The following IQGAP2 variants were observed in gnomAD, a reference collection of about 807,000 sequenced individuals.
IQGAP2 encodes ras GTPase-activating-like protein IQGAP2.
Under a neutral mutation model 201.3 loss-of-function variants are expected in IQGAP2, and 173 were observed. The observed-to-expected ratio is 0.86, with a 90% CI of 0.76 to 0.98. IQGAP2 has a LOEUF of 0.98. Ranked by LOEUF, IQGAP2 falls within the 50% of genes least tolerant of loss-of-function variation. The probability of loss-of-function intolerance (pLI) is 0.00; values close to 1 mark genes in which losing one functional copy is unlikely to be tolerated. For missense variants in IQGAP2, 1,687 were observed against 1,864.8 expected (o/e 0.90, Z 1.76); for synonymous variants, 675 against 673.9 (o/e 1.00, Z -0.03).
At chr5:76,696,150 G>C (rs997819504) in intron 32 of IQGAP2, among the ~76,000 whole-genome samples, 1 of 152,182 alleles carries the variant, frequency 6.6e-6, no homozygotes, top group Non-Finnish European at 1.5e-5. Flanking sequence ...GTCATTAGGA[G>C]AGTTGAAACA....
chr5:76,486,025 C>T (rs1433666282), intron 2 of IQGAP2, among the ~76,000 whole-genome samples: 1 of 151,844 alleles, frequency 6.6e-6, no homozygotes, highest in Non-Finnish European at 1.5e-5. Flanking sequence ...CCTTTTTCTC[C>T]CCTTAAAAAT....
intron 2 of IQGAP2, among the ~76,000 whole-genome samples, chr5:76,550,991 C>T (rs1269129909): frequency 6.6e-6 from 1 of 150,886 alleles, no homozygotes; most frequent in Non-Finnish European, 1.5e-5. Context: ...GGGCTGCCCC[C>T]CACCTCCCTC....
At chr5:76,673,755 A>G in intron 25 of IQGAP2, 166 bp downstream of exon 25, 1 of 759,720 alleles carries the variant, frequency 1.3e-6, no homozygotes, top group Non-Finnish European at 2.2e-6. Context: ...TTCTCTAAAG[A>G]AGGGGCAATA....
At chr5:76,512,385 A>G (rs1030546862) in intron 2 of IQGAP2, among the ~76,000 whole-genome samples, 4 of 152,200 alleles carry the variant, frequency 2.6e-5, no homozygotes, top group Non-Finnish European at 5.9e-5. Flanking sequence ...CGAGTTCATG[A>G]TCCTTCTCTG....
intron 1 of IQGAP2, among the ~76,000 whole-genome samples, chr5:76,449,909 A>G (rs1753626343): frequency 6.6e-6 from 1 of 152,246 alleles, no homozygotes; most frequent in African/African-American, 2.4e-5. Context: ...CTGAAGCAGT[A>G]CAGCATGAAT....
intron 17 of IQGAP2, among the ~76,000 whole-genome samples, chr5:76,646,564 GATA>G (rs1475840484): frequency 6.6e-6 from 1 of 152,148 alleles, no homozygotes; most frequent in Non-Finnish European, 1.5e-5. Flanking sequence ...CAAAACTCCA[GATA>G]ATAATTCATC....
chr5:76,470,933 C>T (rs577110087), intron 2 of IQGAP2, among the ~76,000 whole-genome samples: 7 of 152,198 alleles, frequency 4.6e-5, no homozygotes, highest in Admixed American at 2.0e-4. Context: ...TGCCAGAAAT[C>T]CTACTATTTA....
At position 76,698,032 on chromosome 5, in the gene IQGAP2, T is replaced by G. The variant is rs1297292840; in HGVS notation, c.4252T>G (p.Leu1418Val). 1 of 1,613,166 alleles carries G rather than the reference T, an allele frequency of 6.2e-7. No homozygotes were observed. Among genetic ancestry groups the G allele is most frequent in the African/African-American group, 1.3e-5 (1 of 74,912 alleles). The change falls in exon 33 of 36, where the codon TTG becomes GTG. Residue 1418 changes from leucine to valine, a missense_variant. Physicochemically the swap from Leu to Val is conservative, Grantham distance 32. Transcript: ENST00000274364. ...RIYRKLRKAELAKLQQTLNAL... is the reference protein window; with the variant it reads ...RIYRKLRKAEVAKLQQTLNAL... ...CTATCGTAAGCTTCGAAAAGCTGAA[T>G]TGGCAAAACTTCAGCAGACCCTGAA... is the stretch of plus-strand genomic sequence containing the variant.
chr5:76,626,270 C>CTTTTTTTTTTTT (rs34251090), intron 13 of IQGAP2, among the ~76,000 whole-genome samples: 37 of 83,652 alleles, frequency 4.4e-4, no homozygotes, highest in African/African-American at 5.0e-4. Flanking sequence ...TTCTTCTTTT[C>CTTTTTTTTTTTT]TTTTTTTTTT....
rs575142696 is a variant in IQGAP2, at chr5:76,679,671, GAGA to G, written c.3660+2329_3660+2331del. ...CCAAATCAGTTGCCCTGGCTCATCA[GAGA>G]AGAAGAACATAAATTTATCCATCTT... On this transcript the variant is annotated intron_variant, in intron 28 of 35. Transcript: ENST00000274364. Among the ~76,000 whole-genome samples the G allele has an allele frequency of 1.8e-3, 269 of 152,304 alleles. 2 individuals are homozygous for G. Among genetic ancestry groups the G allele is most frequent in the African/African-American group, 6.0e-3 (251 of 41,578 alleles).
intron 2 of IQGAP2, among the ~76,000 whole-genome samples, chr5:76,495,802 A>C (rs1400957802): frequency 6.6e-6 from 1 of 152,202 alleles, no homozygotes; most frequent in Admixed American, 6.5e-5. Context: ...CAGATCTTGC[A>C]TGAACTACCT....
intron 20 of IQGAP2, among the ~76,000 whole-genome samples, chr5:76,655,289 A>C (rs1014187118): frequency 6.6e-6 from 1 of 151,922 alleles, no homozygotes; most frequent in Non-Finnish European, 1.5e-5. Flanking sequence ...TTTTCAATCT[A>C]AGCGAGAGTC....
At chr5:76,432,216 C>T (rs1580176955) in intron 1 of IQGAP2, among the ~76,000 whole-genome samples, 1 of 144,982 alleles carries the variant, frequency 6.9e-6, no homozygotes, top group African/African-American at 2.5e-5. Context: ...TCCTCTCCCT[C>T]CAGGATTAAA....
intron 9 of IQGAP2, among the ~76,000 whole-genome samples, chr5:76,593,665 TC>T (rs1318019239): frequency 6.6e-6 from 1 of 152,186 alleles, no homozygotes; most frequent in Non-Finnish European, 1.5e-5. Flanking sequence ...TGTTTATTTT[TC>T]CCTGGTCAAT....
At chr5:76,480,912 A>G (rs77321485) in intron 2 of IQGAP2, among the ~76,000 whole-genome samples, 430 of 152,154 alleles carry the variant, frequency 2.8e-3, no homozygotes, top group African/African-American at 9.8e-3. Context: ...AGATCAAAGT[A>G]CTGGTGGGTT....
At chr5:76,662,125 A>G (rs1743306487) in intron 21 of IQGAP2, among the ~76,000 whole-genome samples, 1 of 152,200 alleles carries the variant, frequency 6.6e-6, no homozygotes, top group Middle Eastern at 3.2e-3. Flanking sequence ...GCAAACCTCC[A>G]TTCACACAAG....
intron 1 of IQGAP2, among the ~76,000 whole-genome samples, chr5:76,460,791 G>A (rs892543464): frequency 2.0e-5 from 3 of 152,052 alleles, no homozygotes; most frequent in African/African-American, 7.2e-5. Flanking sequence ...TGGAAAATTG[G>A]GAGTGGTAGG....
chr5:76,614,604 G>GTTT (rs1748740826), intron 13 of IQGAP2, among the ~76,000 whole-genome samples: 2 of 74,172 alleles, frequency 2.7e-5, no homozygotes, highest in Non-Finnish European at 5.6e-5. Context: ...TTTCCCCTCT[G>GTTT]CTTTTTTTTT....
intron 22 of IQGAP2, among the ~76,000 whole-genome samples, chr5:76,665,672 C>T (rs1431766805): frequency 2.0e-5 from 3 of 152,098 alleles, no homozygotes; most frequent in African/African-American, 7.2e-5. Context: ...AATAATATTT[C>T]TTTTTTCTTG....
Sources: allele counts gnomAD v4.1 joint callset (sites outside exome capture counted in the v4.1 genomes callset), GRCh38; gene constraint gnomAD v4.1.1; transcripts MANE v1.5; gene names NCBI Gene and HGNC (gene_info 2026-07-23, HGNC 2026-07-21).